NEK6: variants seen among roughly 807,000 people sequenced by gnomAD.
NEK6 encodes the protein NIMA related kinase 6, also known as serine/threonine-protein kinase Nek6.
A neutral mutation model predicts 43.5 loss-of-function variants in NEK6; 27 were observed. That is an observed-to-expected ratio of 0.62 (90% CI 0.46 to 0.86). The LOEUF (loss-of-function observed/expected upper bound fraction) is 0.86. Among genes scored for constraint, NEK6 ranks in the 40% least tolerant of loss-of-function variants. The probability of loss-of-function intolerance (pLI) is 0.00; values close to 1 mark genes in which losing one functional copy is unlikely to be tolerated. For synonymous variants in NEK6, 167 were observed against 164.1 expected (o/e 1.02, Z -0.14); for missense variants, 318 against 414.4 (o/e 0.77, Z 2.02).
At chr9:124,269,343 T>C (rs1156579927) in intron 1 of NEK6, among the ~76,000 whole-genome samples, 1 of 151,914 alleles carries the variant, frequency 6.6e-6, no homozygotes, top group Non-Finnish European at 1.5e-5. Context: ...CCCCCACCCC[T>C]GCCTGGGTGA....
At chr9:124,342,434 G>A (rs1301994955) in intron 8 of NEK6, among the ~76,000 whole-genome samples, 1 of 152,256 alleles carries the variant, frequency 6.6e-6, no homozygotes, top group Non-Finnish European at 1.5e-5. Flanking sequence ...AGGCAAGTCA[G>A]CCCCTCCCGG....
At chr9:124,266,096 G>A (rs548976090) in intron 1 of NEK6, among the ~76,000 whole-genome samples, 40 of 152,370 alleles carry the variant, frequency 2.6e-4, no homozygotes, top group African/African-American at 9.1e-4. Context: ...AGAGGGCTGA[G>A]AGGGCTGGGG....
chr9:124,326,368 A>G lies in NEK6; in HGVS notation c.444A>G (p.Thr148=), dbSNP rs1285720463. The G allele has an allele frequency of 6.8e-6, 11 of 1,611,832 alleles. No homozygotes were observed. In the East Asian group the frequency reaches 2.2e-4, roughly 33 times the overall value. Residue 148 remains threonine, a synonymous_variant, in exon 6 of 10, where the codon ACA becomes ACG. Coordinates refer to ENST00000320246, the MANE Select transcript of NEK6 (RefSeq NM_014397.6). The surrounding 1 kb of genome is among the most constrained non-coding windows in gnomAD (Gnocchi z 4.5). ...AGAAGCGGCTCATCCCGGAGAGGAC[A>G]GTATGGAAGTACTTTGTGCAGCTGT... ...KKQKRLIPER[T]VWKYFVQLCS... is the part of the protein sequence containing the mutation.
chr9:124,317,402 G>A (rs137913595), intron 4 of NEK6, among the ~76,000 whole-genome samples: 2,205 of 152,188 alleles, frequency 0.014, 47 homozygotes, highest in African/African-American at 0.051. Flanking sequence ...TTGTAGAGAC[G>A]GGGTTTCACC....
In NEK6 at chr9:124,326,782, C is replaced by G. The variant is rs1834362098; in HGVS notation, c.514+344C>G. 6.6e-6 allele frequency among the ~76,000 whole-genome samples: 1 copy of G among 152,134 alleles called. No individual in the cohort carries two copies. The highest frequency in any genetic ancestry group is 1.5e-5 in the Non-Finnish European group (1 of 68,016). On this transcript the variant is annotated intron_variant, in intron 6 of 9. Transcript: ENST00000320246. This position sits in a 1 kb window ranked among gnomAD's most constrained non-coding sequence, Gnocchi z 4.5. ...CGGGCTGGGCTGAGAAGGGGAGGCA[C>G]CTGAGAGGGGTGTTTCCACAGTTGA...
rs1830324020 is a variant in NEK6 at position 124,352,528 on chromosome 9, C to A, written c.*1581C>A. 1 of 152,172 alleles carries A rather than the reference C, an allele frequency of 6.6e-6. No homozygotes were observed. The highest frequency in any genetic ancestry group is 1.5e-5 in the Non-Finnish European group (1 of 68,024). The allele number at this position is 152,172 out of a possible 1,614,324, so 9.4% of individuals were successfully genotyped here. ...CAATTTCTTGAGGAACCTTGAAAAA[C>A]ACAACTTCCCAGGCCCCATTCAGTA... On this transcript the variant is annotated 3_prime_UTR_variant, in exon 10 of 10. Coordinates refer to ENST00000320246, the MANE Select transcript of NEK6 (RefSeq NM_014397.6).
At chr9:124,316,878 T>C (rs780219229) in intron 4 of NEK6, among the ~76,000 whole-genome samples, 9 of 151,706 alleles carry the variant, frequency 5.9e-5, no homozygotes, top group Non-Finnish European at 1.3e-4. Context: ...CTTTACTTCC[T>C]ACCCAACCCC....
chr9:124,282,720 T>C (rs1210801084), intron 1 of NEK6, among the ~76,000 whole-genome samples: 1 of 152,202 alleles, frequency 6.6e-6, no homozygotes, highest in Non-Finnish European at 1.5e-5. Context: ...TACGCTTTCA[T>C]ACAGGCCCCA....
At chr9:124,310,828 C>T (rs866835729) in intron 2 of NEK6, among the ~76,000 whole-genome samples, 1 of 152,210 alleles carries the variant, frequency 6.6e-6, no homozygotes, top group African/African-American at 2.4e-5. Flanking sequence ...CTTAAGTGAT[C>T]GCCCGCCTCG....
intron 1 of NEK6, among the ~76,000 whole-genome samples, chr9:124,274,266 T>C (rs1183673776): frequency 6.6e-6 from 1 of 152,276 alleles, no homozygotes; most frequent in Non-Finnish European, 1.5e-5. Flanking sequence ...GGGCATGTGA[T>C]GGCCCCAGTG....
intron 1 of NEK6, among the ~76,000 whole-genome samples, chr9:124,270,075 C>A (rs530501309): frequency 3.6e-4 from 55 of 152,152 alleles, no homozygotes; most frequent in Non-Finnish European, 7.1e-4. Flanking sequence ...CCACGCCCCC[C>A]CCCCATGCTG....
At chr9:124,313,588 G>A (rs549458987) in intron 3 of NEK6, among the ~76,000 whole-genome samples, 16 of 152,172 alleles carry the variant, frequency 1.1e-4, no homozygotes, top group African/African-American at 3.1e-4. Context: ...GGCTGGTCTC[G>A]AACTCCTGAC....
At chr9:124,339,486 G>A (rs944474664) in intron 7 of NEK6, 85 bp from the exon 8 acceptor site, 59 of 907,090 alleles carry the variant, frequency 6.5e-5, no homozygotes, top group African/African-American at 5.3e-4. Flanking sequence ...CCCAGCTCCC[G>A]TGTGCCCTCC....
intron 8 of NEK6, among the ~76,000 whole-genome samples, chr9:124,346,117 C>T (rs556686742): frequency 3.4e-4 from 52 of 152,344 alleles, no homozygotes; most frequent in Middle Eastern, 3.4e-3. Context: ...TGTCCCTAAA[C>T]ACCCACCTGA....
chr9:124,297,508 C>G (rs533611804), intron 1 of NEK6, among the ~76,000 whole-genome samples: 2 of 152,358 alleles, frequency 1.3e-5, no homozygotes, highest in East Asian at 1.9e-4. Context: ...AATCTGGTCC[C>G]TCGGTGCCTG....
At chr9:124,288,993 T>C (rs866816333) in intron 1 of NEK6, among the ~76,000 whole-genome samples, 1 of 152,096 alleles carries the variant, frequency 6.6e-6, no homozygotes, top group Non-Finnish European at 1.5e-5. Flanking sequence ...CGTTTTTTGT[T>C]TTTTTAGAAA....
chr9:124,347,555 A>G (rs549930860), intron 8 of NEK6, among the ~76,000 whole-genome samples, 154 bp from the exon 9 acceptor site: 1 of 152,168 alleles, frequency 6.6e-6, no homozygotes, highest in Non-Finnish European at 1.5e-5. Context: ...GAACCCCAGC[A>G]TGCTCGGTGA....
intron 4 of NEK6, among the ~76,000 whole-genome samples, chr9:124,317,553 A>T (rs912909306): frequency 3.3e-5 from 5 of 152,092 alleles, no homozygotes; most frequent in African/African-American, 2.4e-5. Flanking sequence ...TTAGATTCAG[A>T]GGGTACACAT....
At chr9:124,265,666 T>G (rs1488590896) in intron 1 of NEK6, 1 of 152,264 alleles carries the variant, frequency 6.6e-6, no homozygotes, top group East Asian at 1.9e-4. Context: ...ATCAGATCAC[T>G]GTCCCAGCTT....
Sources: allele counts gnomAD v4.1 joint callset (sites outside exome capture counted in the v4.1 genomes callset), GRCh38; gene constraint gnomAD v4.1.1; non-coding constraint Gnocchi (gnomAD v3.1); transcripts MANE v1.5; gene names NCBI Gene and HGNC (gene_info 2026-07-23, HGNC 2026-07-21).